CAMK1D: variants seen among roughly 807,000 people sequenced by gnomAD.
CAMK1D encodes the protein calcium/calmodulin-dependent protein kinase type 1D.
CAMK1D carries 9 observed loss-of-function variants against 47.7 expected under a neutral mutation model. The observed-to-expected ratio is 0.19, with a 90% CI of 0.11 to 0.33. CAMK1D has a LOEUF of 0.33. Among genes scored for constraint, CAMK1D ranks in the 10% least tolerant of loss-of-function variants. The pLI, the probability that CAMK1D is intolerant of heterozygous loss-of-function variation, is 1.00. For synonymous variants in CAMK1D, 184 were observed against 184.9 expected (o/e 0.99, Z 0.04); for missense variants, 291 against 488.7 (o/e 0.60, Z 3.81).
At chr10:12,353,827 T>A (rs2801501) in intron 1 of CAMK1D, among the ~76,000 whole-genome samples, 1 of 151,618 alleles carries the variant, frequency 6.6e-6, no homozygotes, top group Non-Finnish European at 1.5e-5. Flanking sequence ...ATAAATGTTA[T>A]GTAATGGCAA....
intron 1 of CAMK1D, among the ~76,000 whole-genome samples, chr10:12,435,522 T>A (rs1392715669): frequency 6.6e-6 from 1 of 152,068 alleles, no homozygotes; most frequent in Non-Finnish European, 1.5e-5. Context: ...TGTGACCTGC[T>A]CGTCCCCTCC....
At chr10:12,441,439 C>T (rs1168661065) in intron 1 of CAMK1D, among the ~76,000 whole-genome samples, 2 of 151,954 alleles carry the variant, frequency 1.3e-5, no homozygotes, top group African/African-American at 4.8e-5. Context: ...TCAAGTGATC[C>T]ACCCACTTTG....
intron 1 of CAMK1D, among the ~76,000 whole-genome samples, chr10:12,415,012 C>T (rs773354589): frequency 6.6e-6 from 1 of 151,942 alleles, no homozygotes; most frequent in African/African-American, 2.4e-5. Flanking sequence ...TTTATAGATC[C>T]GTTATGTTTC....
chr10:12,476,774 T>A lies in CAMK1D; in HGVS notation c.93-76451T>A, dbSNP rs145711325. ...TGAAGTTGGGATTAGTCATGGCAGCTTTTCTCTTACCAGCCCTTCATCGTC... is the reference window on the plus strand; with the variant it reads ...TGAAGTTGGGATTAGTCATGGCAGCATTTCTCTTACCAGCCCTTCATCGTC... On this transcript the variant is annotated intron_variant, in intron 1 of 10. Transcript: ENST00000619168. Among the ~76,000 whole-genome samples the A allele has an allele frequency of 3.8e-3, 572 of 152,288 alleles. 4 individuals are homozygous for A. Among genetic ancestry groups the A allele is most frequent in the Non-Finnish European group, 5.0e-3 (340 of 68,020 alleles).
intron 1 of CAMK1D, among the ~76,000 whole-genome samples, chr10:12,506,216 C>T (rs1211389366): frequency 1.3e-5 from 2 of 152,116 alleles, no homozygotes; most frequent in South Asian, 2.1e-4. Context: ...GCCAGGAGTT[C>T]GAGACCAGCC....
intron 1 of CAMK1D, among the ~76,000 whole-genome samples, chr10:12,406,918 C>A (rs577395617): frequency 3.3e-5 from 5 of 151,958 alleles, no homozygotes; most frequent in African/African-American, 9.7e-5. Context: ...TAGAGGAGAT[C>A]GAGGCCACCT....
At chr10:12,762,563 T>G (rs1190186390) in intron 4 of CAMK1D, among the ~76,000 whole-genome samples, 2 of 152,112 alleles carry the variant, frequency 1.3e-5, no homozygotes, top group African/African-American at 4.8e-5. Context: ...CCATCCCCAG[T>G]GGTCTGATTC....
intron 4 of CAMK1D, among the ~76,000 whole-genome samples, chr10:12,763,035 G>A (rs1325388473): frequency 6.6e-6 from 1 of 152,196 alleles, no homozygotes; most frequent in African/African-American, 2.4e-5. Context: ...CTCTCCCTTG[G>A]AAAGGCTGAT....
At position 12,756,524 on chromosome 10, in the gene CAMK1D, T is replaced by C. The variant is rs577577533; in HGVS notation, c.300-4424T>C. ...GGGATCATGTAAAATTTGGCAAACATACTGAAATTTTACTGAGATTATTAT... is the reference window on the plus strand; with the variant it reads ...GGGATCATGTAAAATTTGGCAAACACACTGAAATTTTACTGAGATTATTAT... On this transcript the variant is annotated intron_variant, in intron 3 of 10. Coordinates refer to ENST00000619168, the MANE Select transcript of CAMK1D (RefSeq NM_153498.4). Among the ~76,000 whole-genome samples, 10 of 152,348 alleles carry C rather than the reference T, an allele frequency of 6.6e-5. 1 individual carries two copies. Among genetic ancestry groups the C allele is most frequent in the Admixed American group, 5.2e-4 (8 of 15,304 alleles).
chr10:12,456,988 G>C (rs1833268389), intron 1 of CAMK1D, among the ~76,000 whole-genome samples: 1 of 152,162 alleles, frequency 6.6e-6, no homozygotes, highest in Non-Finnish European at 1.5e-5. Context: ...TGTGACACCA[G>C]AGTGTTGGAA....
Position 12,423,570 on chromosome 10 carries a change from A to G in CAMK1D, c.92+73660A>G, listed in dbSNP as rs115957282. Among the ~76,000 whole-genome samples the G allele has an allele frequency of 3.5e-3, 528 of 152,188 alleles. 7 individuals carry two copies. Among genetic ancestry groups the G allele is most frequent in the African/African-American group, 0.012 (511 of 41,520 alleles). The stretch of plus-strand genomic sequence containing the variant: ...TTCTACCTCATGACAAATAAATTCT[A>G]TTACCTCCGGCTCCTGTGTGAGTTG... On this transcript the variant is annotated intron_variant, in intron 1 of 10. Coordinates refer to ENST00000619168, the MANE Select transcript of CAMK1D (RefSeq NM_153498.4).
intron 3 of CAMK1D, among the ~76,000 whole-genome samples, chr10:12,757,138 T>A (rs1836267567): frequency 7.1e-6 from 1 of 140,214 alleles, no homozygotes; most frequent in African/African-American, 2.8e-5. Flanking sequence ...TCATTCACTT[T>A]ATTTTTTTTT....
intron 10 of CAMK1D, among the ~76,000 whole-genome samples, chr10:12,827,145 T>C (rs1833239395): frequency 1.3e-5 from 2 of 149,866 alleles, no homozygotes; most frequent in Non-Finnish European, 3.0e-5. Flanking sequence ...TTTCTTTTTC[T>C]TTCCCTCCTT....
At chr10:12,709,032 G>T (rs78916647) in intron 3 of CAMK1D, among the ~76,000 whole-genome samples, 2,504 of 152,332 alleles carry the variant, frequency 0.016, 40 homozygotes, top group South Asian at 0.044. Flanking sequence ...GCATGGGAGT[G>T]GGGGGCACAG....
intron 1 of CAMK1D, among the ~76,000 whole-genome samples, chr10:12,373,470 A>C (rs1838065446): frequency 2.0e-5 from 3 of 151,810 alleles, no homozygotes; most frequent in Admixed American, 2.0e-4. Context: ...CGTCTCTACT[A>C]AAGATGCAAG....
chr10:12,734,433 T>C lies in CAMK1D; in HGVS notation c.300-26515T>C, dbSNP rs1227307756. Among the ~76,000 whole-genome samples, 16 of 2,318 alleles carry C rather than the reference T, an allele frequency of 6.9e-3. No homozygotes were observed. The East Asian group carries it at 0.27, about 39-fold the overall frequency. 1.5% of individuals were successfully genotyped at this position (2,318 alleles called of 152,430 possible). ...ACACACACACACATGTATATATATA[T>C]ACACACACACATATGTGTATATATA... On this transcript the variant is annotated intron_variant, in intron 3 of 10. Transcript: ENST00000619168.
chr10:12,562,260 T>C (rs1490438300), intron 2 of CAMK1D, among the ~76,000 whole-genome samples: 1 of 152,160 alleles, frequency 6.6e-6, no homozygotes, highest in Non-Finnish European at 1.5e-5. Context: ...TAAAACAACC[T>C]GCTCTTGTTA....
chr10:12,731,856 G>T (rs796619965), intron 3 of CAMK1D, among the ~76,000 whole-genome samples: 1 of 152,128 alleles, frequency 6.6e-6, no homozygotes. Flanking sequence ...TTAGGATGGG[G>T]TTGCAGTTCC....
intron 1 of CAMK1D, among the ~76,000 whole-genome samples, chr10:12,351,569 A>C (rs1015088503): frequency 6.6e-6 from 1 of 152,126 alleles, no homozygotes; most frequent in African/African-American, 2.4e-5. Flanking sequence ...CGAGCCCCCC[A>C]CACTGGCTTC....
Sources: gnomAD v4.1 joint callset for allele counts (sites outside exome capture counted in the v4.1 genomes callset) on GRCh38, gnomAD v4.1.1 for gene constraint, MANE v1.5 for transcripts, NCBI Gene and HGNC (gene_info 2026-07-23, HGNC 2026-07-21) for gene names.